Variants in OSBPL8 observed in about 807,000 individuals in gnomAD.
OSBPL8 encodes oxysterol-binding protein-related protein 8.
In OSBPL8, 59 loss-of-function variants were observed where a neutral mutation model predicts 125.5. That is an observed-to-expected ratio of 0.47 (90% CI 0.38 to 0.58). OSBPL8 has a LOEUF of 0.58. Among genes scored for constraint, OSBPL8 ranks in the 20% least tolerant of loss-of-function variants. The pLI, the probability that OSBPL8 is intolerant of heterozygous loss-of-function variation, is 0.00. For synonymous variants in OSBPL8, 330 were observed against 338.9 expected, an observed-to-expected ratio of 0.97 and a Z score of 0.29; for missense variants, 758 against 1,047.8, an observed-to-expected ratio of 0.72 and a Z score of 3.82.
intron 3 of OSBPL8, among the ~76,000 whole-genome samples, chr12:76,457,454 T>C (rs527810114): frequency 6.6e-6 from 1 of 152,190 alleles, no homozygotes; most frequent in Non-Finnish European, 1.5e-5. Flanking sequence ...CTTTCCTTTA[T>C]TTTTTCTATG....
intron 21 of OSBPL8, among the ~76,000 whole-genome samples, chr12:76,363,890 A>G (rs1479379947): frequency 6.6e-6 from 1 of 152,266 alleles, no homozygotes; most frequent in East Asian, 1.9e-4. Flanking sequence ...TGCAGCCAAC[A>G]AACACATGAA....
Position 76,392,583 on chromosome 12 carries a change from G to A in OSBPL8, c.927C>T (p.Phe309=). Residue 309 remains phenylalanine, a splice_region_variant and synonymous_variant, in exon 10 of 24, where the codon TTC becomes TTT. Transcript: ENST00000261183. The stretch of plus-strand genomic sequence containing the variant: ...ACTCAGCGGCAGTATCTACTTACTG[G>A]AAGTTATCACCACTGTGGAGATTGT... ...RANNLHSGDN[F]QLNDSEIERQ... 2 of 1,604,570 alleles carry A rather than the reference G, an allele frequency of 1.2e-6. No homozygotes were observed. The highest frequency in any genetic ancestry group is 8.5e-7 in the Non-Finnish European group (1 of 1,172,900).
At chr12:76,385,631 G>C (rs1447934298) in intron 14 of OSBPL8, among the ~76,000 whole-genome samples, 2 of 151,968 alleles carry the variant, frequency 1.3e-5, no homozygotes, top group Middle Eastern at 3.2e-3. Context: ...AAGAATAAGC[G>C]GGTCAGGGTT....
At chr12:76,516,370 T>C (rs770500708) in intron 1 of OSBPL8, among the ~76,000 whole-genome samples, 17 of 152,232 alleles carry the variant, frequency 1.1e-4, no homozygotes, top group Non-Finnish European at 1.6e-4. Flanking sequence ...CAATTAACTG[T>C]TCTAGTCAAA....
At chr12:76,386,504 C>A (rs1953319446) in intron 13 of OSBPL8, 75 bp downstream of exon 13, 2 of 1,394,932 alleles carry the variant, frequency 1.4e-6, no homozygotes, top group Non-Finnish European at 2.0e-6. Context: ...TGTTAACACA[C>A]AATCTACAGA....
intron 2 of OSBPL8, among the ~76,000 whole-genome samples, chr12:76,483,265 A>C (rs1265117809): frequency 1.3e-5 from 2 of 151,828 alleles, no homozygotes; most frequent in African/African-American, 4.8e-5. Flanking sequence ...TGTCTCAAAA[A>C]ATAACATATA....
chr12:76,479,475 T>A (rs1248257905), intron 2 of OSBPL8, among the ~76,000 whole-genome samples: 1 of 152,208 alleles, frequency 6.6e-6, no homozygotes, highest in Non-Finnish European at 1.5e-5. Flanking sequence ...TCTAACCCAA[T>A]TAGAATTCTA....
At chr12:76,473,811 G>A (rs1450585299) in intron 2 of OSBPL8, among the ~76,000 whole-genome samples, 1 of 152,168 alleles carries the variant, frequency 6.6e-6, no homozygotes, top group East Asian at 1.9e-4. Context: ...AGTGATTAAA[G>A]GTTCACCCCT....
intron 2 of OSBPL8, chr12:76,486,051 A>G (rs1288820166): frequency 4.6e-6 from 2 of 434,538 alleles, no homozygotes; most frequent in Non-Finnish European, 9.2e-6. Flanking sequence ...TTTTTCATTT[A>G]AATCAATGTG....
At chr12:76,467,847 T>C (rs1875651807) in intron 2 of OSBPL8, among the ~76,000 whole-genome samples, 1 of 152,180 alleles carries the variant, frequency 6.6e-6, no homozygotes, top group African/African-American at 2.4e-5. Flanking sequence ...AAGATCACCA[T>C]ACACAGAAGA....
intron 1 of OSBPL8, among the ~76,000 whole-genome samples, chr12:76,524,684 C>CT (rs199735464): frequency 0.023 from 3,142 of 139,104 alleles, 43 homozygotes; most frequent in African/African-American, 0.026. Flanking sequence ...GATCTAATTA[C>CT]TTTTTTTTTT....
intron 5 of OSBPL8, among the ~76,000 whole-genome samples, chr12:76,404,208 G>T (rs940270688): frequency 6.6e-6 from 1 of 152,106 alleles, no homozygotes; most frequent in African/African-American, 2.4e-5. Context: ...AGCCAAACAG[G>T]TTTCTGTCTT....
chr12:76,372,171 T>G (rs1952646166), intron 18 of OSBPL8, among the ~76,000 whole-genome samples: 1 of 151,482 alleles, frequency 6.6e-6, no homozygotes, highest in Admixed American at 6.6e-5. Context: ...ATCCTTCTCC[T>G]TCTCTCTCTC....
chr12:76,519,229 C>T (rs899421901), intron 1 of OSBPL8, among the ~76,000 whole-genome samples: 3 of 152,154 alleles, frequency 2.0e-5, no homozygotes, highest in Non-Finnish European at 2.9e-5. Flanking sequence ...CTCTTAAGTT[C>T]GACCTTCCAC....
intron 1 of OSBPL8, among the ~76,000 whole-genome samples, chr12:76,524,885 T>C (rs1330454050): frequency 1.3e-5 from 2 of 152,078 alleles, no homozygotes; most frequent in Non-Finnish European, 2.9e-5. Context: ...GGTATCGTCA[T>C]GTTGGCCAGG....
intron 1 of OSBPL8, among the ~76,000 whole-genome samples, chr12:76,538,553 G>C (rs551581708): frequency 1.3e-5 from 2 of 152,232 alleles, no homozygotes; most frequent in South Asian, 4.2e-4. Context: ...GGGATGACAG[G>C]CAACATGAGA....
At chr12:76,532,438 G>T (rs1950369907) in intron 1 of OSBPL8, among the ~76,000 whole-genome samples, 1 of 152,030 alleles carries the variant, frequency 6.6e-6, no homozygotes, top group Non-Finnish European at 1.5e-5. Context: ...AATTAATAAT[G>T]AATACAATGA....
intron 1 of OSBPL8, among the ~76,000 whole-genome samples, chr12:76,546,680 C>T (rs1161340131): frequency 6.6e-6 from 1 of 151,940 alleles, no homozygotes; most frequent in Non-Finnish European, 1.5e-5. Flanking sequence ...TTAATCATGA[C>T]AACTGATATC....
intron 4 of OSBPL8, among the ~76,000 whole-genome samples, chr12:76,429,168 A>G (rs937765009): frequency 6.6e-6 from 1 of 152,004 alleles, no homozygotes; most frequent in Non-Finnish European, 1.5e-5. Flanking sequence ...ATACAAAAAT[A>G]AAAGGATAGC....
Sources: allele counts gnomAD v4.1 joint callset (sites outside exome capture counted in the v4.1 genomes callset), GRCh38; gene constraint gnomAD v4.1.1; transcripts MANE v1.5; gene names NCBI Gene and HGNC (gene_info 2026-07-23, HGNC 2026-07-21).